Variants in SORCS3 observed in about 807,000 individuals in gnomAD.
SORCS3 encodes VPS10 domain-containing receptor SorCS3.
Under a neutral mutation model 146.3 loss-of-function variants are expected in SORCS3, and 57 were observed. The observed-to-expected ratio is 0.39, with a 90% CI of 0.31 to 0.49. The LOEUF (loss-of-function observed/expected upper bound fraction) is 0.49, where lower values mean the gene tolerates loss of function less well. Ranked by LOEUF, SORCS3 falls within the 20% of genes least tolerant of loss-of-function variation. SORCS3 has a pLI of 0.92. For synonymous variants in SORCS3, 653 were observed against 618.5 expected (o/e 1.06, Z -0.83); for missense variants, 1,341 against 1,575.5 (o/e 0.85, Z 2.52).
At chr10:104,899,535 C>T (rs1253803261) in intron 2 of SORCS3, among the ~76,000 whole-genome samples, 1 of 152,186 alleles carries the variant, frequency 6.6e-6, no homozygotes, top group African/African-American at 2.4e-5. Flanking sequence ...TAGAAAGCTG[C>T]ACCTAACTTT....
At chr10:104,806,794 A>C (rs923770085) in intron 1 of SORCS3, among the ~76,000 whole-genome samples, 6 of 152,208 alleles carry the variant, frequency 3.9e-5, no homozygotes, top group Non-Finnish European at 4.4e-5. Flanking sequence ...AGATAGGAAC[A>C]GTTGTAAGAG....
intron 1 of SORCS3, among the ~76,000 whole-genome samples, chr10:104,776,370 A>G (rs887790473): frequency 4.8e-4 from 73 of 152,162 alleles, no homozygotes; most frequent in Non-Finnish European, 5.9e-5. Flanking sequence ...CTGCTAGGCC[A>G]GCTCAAATGT....
At chr10:105,124,595 A>G (rs2055959319) in intron 7 of SORCS3, among the ~76,000 whole-genome samples, 1 of 152,220 alleles carries the variant, frequency 6.6e-6, no homozygotes. Flanking sequence ...ACAAAAAAAT[A>G]CATTAAAAAG....
intron 1 of SORCS3, among the ~76,000 whole-genome samples, chr10:104,682,583 C>A (rs1314907662): frequency 6.6e-6 from 1 of 152,178 alleles, no homozygotes; most frequent in Non-Finnish European, 1.5e-5. Context: ...GAACTTGGGT[C>A]AAGTCCTTAA....
At chr10:105,256,303 G>A (rs1456788092) in intron 24 of SORCS3, among the ~76,000 whole-genome samples, 1 of 152,122 alleles carries the variant, frequency 6.6e-6, no homozygotes, top group African/African-American at 2.4e-5. Flanking sequence ...GTCCCATTGG[G>A]CATCTACTTT....
At chr10:105,216,499 T>C (rs186982368) in intron 18 of SORCS3, among the ~76,000 whole-genome samples, 4 of 152,178 alleles carry the variant, frequency 2.6e-5, no homozygotes, top group African/African-American at 9.6e-5. Context: ...GGGACAAAAA[T>C]ACTTTCTATA....
intron 20 of SORCS3, among the ~76,000 whole-genome samples, chr10:105,229,066 G>T (rs561546182): frequency 6.6e-6 from 1 of 151,990 alleles, no homozygotes; most frequent in Non-Finnish European, 1.5e-5. Flanking sequence ...TAACATTTTT[G>T]TTTGAGTGGG....
rs1439196587 is a variant in SORCS3, at chr10:105,076,826, A to G, written c.1029-12949A>G. 3.3e-5 allele frequency among the ~76,000 whole-genome samples: 5 copies of G among 152,280 alleles called. No individual in the cohort carries two copies. The East Asian group carries it at 7.7e-4, about 24-fold the overall frequency. ...TATTTGCCAAGCGACTGTTTGTCCT[A>G]TTCCTAGTAGAGCAGTTGTCCAGCT... On this transcript the variant is annotated intron_variant, in intron 5 of 26. Transcript: ENST00000369701.
At chr10:104,973,869 G>A (rs1220216324) in intron 3 of SORCS3, among the ~76,000 whole-genome samples, 4 of 149,362 alleles carry the variant, frequency 2.7e-5, no homozygotes, top group African/African-American at 1.0e-4. Flanking sequence ...TGCTTTGAAT[G>A]CGTCCCAGAG....
intron 1 of SORCS3, among the ~76,000 whole-genome samples, chr10:104,678,963 C>T (rs1381860013): frequency 6.6e-6 from 1 of 152,140 alleles, no homozygotes; most frequent in Non-Finnish European, 1.5e-5. Flanking sequence ...TTCATTTACT[C>T]TGGAGGAGAG....
At chr10:105,195,372 G>C (rs1387992699) in intron 14 of SORCS3, among the ~76,000 whole-genome samples, 1 of 152,110 alleles carries the variant, frequency 6.6e-6, no homozygotes, top group Non-Finnish European at 1.5e-5. Context: ...GACCTTCTCA[G>C]TGTTCATCAC....
intron 1 of SORCS3, among the ~76,000 whole-genome samples, chr10:104,716,600 A>G (rs2016482591): frequency 6.6e-6 from 1 of 152,184 alleles, no homozygotes; most frequent in African/African-American, 2.4e-5. Flanking sequence ...AATGAGAATA[A>G]GAATTGAACT....
At chr10:105,157,866 C>G (rs779316554) in intron 10 of SORCS3, among the ~76,000 whole-genome samples, 20 of 152,192 alleles carry the variant, frequency 1.3e-4, no homozygotes, top group Non-Finnish European at 2.6e-4. Flanking sequence ...AATCCACAAT[C>G]TTCAGTGCCC....
At chr10:104,940,593 A>G (rs1589558581) in intron 3 of SORCS3, among the ~76,000 whole-genome samples, 1 of 151,976 alleles carries the variant, frequency 6.6e-6, no homozygotes, top group Non-Finnish European at 1.5e-5. Flanking sequence ...TTATGGCTGC[A>G]TAGTATTCCA....
Position 104,656,872 on chromosome 10 carries a change from A to T in SORCS3, c.627+14918A>T, listed in dbSNP as rs547065729. Among the ~76,000 whole-genome samples, 5 of 152,276 alleles carry T rather than the reference A, an allele frequency of 3.3e-5. No individual in the cohort carries two copies. In the South Asian group the frequency reaches 1.0e-3, roughly 32 times the overall value. On this transcript the variant is annotated intron_variant, in intron 1 of 26. Coordinates refer to ENST00000369701, the MANE Select transcript of SORCS3 (RefSeq NM_014978.3). ...GTGGTAGTGGGGGTAGATAAGAAGG[A>T]GTCCACTGAAGAAATATTTGGCAGA... is the stretch of plus-strand genomic sequence containing the variant.
At chr10:105,063,918 G>A (rs573002414) in intron 5 of SORCS3, among the ~76,000 whole-genome samples, 83 of 152,350 alleles carry the variant, frequency 5.4e-4, no homozygotes, top group Non-Finnish European at 9.0e-4. Context: ...GCAGCCAGTC[G>A]CAGCTCTGCG....
intron 5 of SORCS3, among the ~76,000 whole-genome samples, chr10:105,079,852 C>T (rs1176041254): frequency 1.3e-5 from 2 of 152,106 alleles, no homozygotes; most frequent in Non-Finnish European, 2.9e-5. Context: ...GAAGAATTAC[C>T]TCTAGCTCCA....
intron 7 of SORCS3, among the ~76,000 whole-genome samples, chr10:105,129,445 A>G (rs2056001805): frequency 6.8e-6 from 1 of 146,776 alleles, no homozygotes; most frequent in Non-Finnish European, 1.5e-5. Flanking sequence ...AAGTTTGAAC[A>G]TTTCTCTTTA....
In SORCS3 at chr10:104,680,389, A is replaced by T. The variant is rs567843699; in HGVS notation, c.627+38435A>T. On this transcript the variant is annotated intron_variant, in intron 1 of 26. Coordinates refer to ENST00000369701, the MANE Select transcript of SORCS3 (RefSeq NM_014978.3). ...TTAATACTTTATTAGTCCTGCCTTC[A>T]GTGCATCTTTTCTCAACCTAGTGAG... is the stretch of plus-strand genomic sequence containing the variant. 3.9e-5 allele frequency among the ~76,000 whole-genome samples: 6 copies of T among 152,316 alleles called. No individual in the cohort carries two copies. In the East Asian group the frequency reaches 5.8e-4, roughly 15 times the overall value.
Sources: allele counts gnomAD v4.1 joint callset (sites outside exome capture counted in the v4.1 genomes callset), GRCh38; gene constraint gnomAD v4.1.1; transcripts MANE v1.5; gene names NCBI Gene and HGNC (gene_info 2026-07-23, HGNC 2026-07-21).